AHNAK: variants seen among roughly 807,000 people sequenced by gnomAD.
AHNAK encodes the protein AHNAK nucleoprotein.
AHNAK carries 23 observed loss-of-function variants against 37.8 expected under a neutral mutation model. That is an observed-to-expected ratio of 0.61 (90% CI 0.44 to 0.86). The LOEUF is 0.86. AHNAK is among the 40% of genes least tolerant of loss of function. The pLI, the probability that AHNAK is intolerant of heterozygous loss-of-function variation, is 0.00. For synonymous variants in AHNAK, 2,481 were observed against 2,636.3 expected (o/e 0.94, Z 1.80); for missense variants, 7,411 against 7,319.4 (o/e 1.01, Z -0.46).
At chr11:62,453,176 A>T (rs1258586620) in intron 5 of AHNAK, among the ~76,000 whole-genome samples, 1 of 151,858 alleles carries the variant, frequency 6.6e-6, no homozygotes, top group Non-Finnish European at 1.5e-5. Flanking sequence ...GGACACCATC[A>T]CCTCCATGGC....
At chr11:62,460,612 A>C (rs1481892967) in intron 5 of AHNAK, among the ~76,000 whole-genome samples, 1 of 152,202 alleles carries the variant, frequency 6.6e-6, no homozygotes, top group African/African-American at 2.4e-5. Flanking sequence ...ATGATTAAAG[A>C]GGGAAAAATA....
At chr11:62,479,136 C>T (rs541004354) in intron 5 of AHNAK, among the ~76,000 whole-genome samples, 5 of 147,112 alleles carry the variant, frequency 3.4e-5, no homozygotes, top group Non-Finnish European at 4.5e-5. Context: ...TTTCTAAGAG[C>T]TTTGCTTTCT....
chr11:62,449,254 C>T (rs533284683), intron 5 of AHNAK, among the ~76,000 whole-genome samples: 11 of 152,326 alleles, frequency 7.2e-5, no homozygotes, highest in East Asian at 3.9e-4. Flanking sequence ...TCTCTCCTTC[C>T]GTTCCCTGGC....
rs1468543181 is a variant in AHNAK, at chr11:62,530,383, A to G, written c.4034T>C (p.Leu1345Ser). 2.5e-6 allele frequency: 4 copies of G among 1,614,126 alleles called. No individual in the cohort carries two copies. In the South Asian group the frequency reaches 4.4e-5, roughly 18 times the overall value. Residue 1345 changes from leucine to serine, a missense_variant, in exon 5 of 5, where the codon TTG becomes TCG. By Grantham distance (145) the Leu-to-Ser change is moderately radical. Transcript: ENST00000378024. ...TTTCATTTCACCTTCTACCTCAGGCAAGGACACATCCACATCTCCCTTCAA... is the reference window on the plus strand; with the variant it reads ...TTTCATTTCACCTTCTACCTCAGGCGAGGACACATCCACATCTCCCTTCAA... Reference protein sequence around the residue: ...PKLKGDVDVSLPEVEGEMKVP... With the variant: ...PKLKGDVDVSSPEVEGEMKVP...
downstream of AHNAK, among the ~76,000 whole-genome samples, chr11:62,511,672 T>C (rs1375241665): frequency 5.9e-5 from 9 of 152,252 alleles, no homozygotes; most frequent in East Asian, 1.7e-3. Context: ...CATTACTTTA[T>C]GATCATACCT....
At chr11:62,464,883 G>A (rs1206691481) in intron 5 of AHNAK, among the ~76,000 whole-genome samples, 1 of 152,076 alleles carries the variant, frequency 6.6e-6, no homozygotes, top group East Asian at 1.9e-4. Context: ...TCAGGTTGCT[G>A]TAAAAGTTGC....
At chr11:62,449,888 A>G (rs1938496012) in intron 5 of AHNAK, among the ~76,000 whole-genome samples, 1 of 152,148 alleles carries the variant, frequency 6.6e-6, no homozygotes, top group South Asian at 2.1e-4. Flanking sequence ...TGAAAGGTAT[A>G]ATTGCTGTGA....
At chr11:62,537,823 C>G (rs1941000611) in intron 1 of AHNAK, among the ~76,000 whole-genome samples, 1 of 152,044 alleles carries the variant, frequency 6.6e-6, no homozygotes, top group Non-Finnish European at 1.5e-5. Context: ...GCTGGGATTA[C>G]AGGCGCCCGC....
rs1940160395 is a variant in AHNAK at position 62,519,724 on chromosome 11, T to C, written c.14693A>G (p.Lys4898Arg). 3.7e-6 allele frequency: 6 copies of C among 1,613,876 alleles called. No individual in the cohort carries two copies. The highest frequency in any genetic ancestry group is 2.2e-5 in the East Asian group (1 of 44,898). The change falls in exon 5 of 5, where the codon AAA (lysine) becomes AGA (arginine). Residue 4898 changes from lysine to arginine, a missense_variant. Lys to Arg is a conservative substitution (Grantham distance 26). Coordinates refer to ENST00000378024, the MANE Select transcript of AHNAK (RefSeq NM_001620.3). The part of the protein sequence containing the change: ...PRLDFEGPDA[K>R]LSGPSLKMPS... The stretch of plus-strand genomic sequence containing the variant: ...CATCTTCAAAGATGGGCCACTGAGT[T>C]TGGCATCAGGGCCTTCGAAATCCAG...
chr11:62,444,851 T>C (rs1938392317), intron 5 of AHNAK, among the ~76,000 whole-genome samples: 1 of 152,140 alleles, frequency 6.6e-6, no homozygotes, highest in African/African-American at 2.4e-5. Context: ...GGAGAAACAA[T>C]CTTTAATCTC....
At position 62,528,769 on chromosome 11, in the gene AHNAK, T is replaced by C. The variant is rs1940609180; in HGVS notation, c.5648A>G (p.Asp1883Gly). 6.2e-7 allele frequency: 1 copy of C among 1,610,370 alleles called. No individual in the cohort carries two copies. The highest frequency in any genetic ancestry group is 8.5e-7 in the Non-Finnish European group (1 of 1,179,184). The change falls in exon 5 of 5, where the codon GAT becomes GGT. Residue 1883 changes from aspartate to glycine, a missense_variant. Transcript: ENST00000378024. ...ADVSVPKLEG[D>G]LTGPSVGVEV... is the part of the protein sequence containing the mutation. ...CACACCCACACTGGGGCCTGTTAAATCTCCCTCCAATTTTGGCACCGACAC... is the reference window on the plus strand; with the variant it reads ...CACACCCACACTGGGGCCTGTTAAACCTCCCTCCAATTTTGGCACCGACAC...
At position 62,523,792 on chromosome 11, in the gene AHNAK, T is replaced by C. The variant is rs1181462224; in HGVS notation, c.10625A>G (p.Lys3542Arg). The C allele has an allele frequency of 1.9e-6, 3 of 1,614,214 alleles. No homozygotes were observed. Among genetic ancestry groups the C allele is most frequent in the Middle Eastern group, 1.7e-4 (1 of 6,060 alleles). The change falls in exon 5 of 5, where the codon AAG becomes AGG. Residue 3542 changes from lysine (K) to arginine (R), a missense_variant. Lys to Arg is a conservative substitution (Grantham distance 26). Transcript: ENST00000378024. ...TAAGTCAATGTCAGGCATGGAGATC[T>C]TGGGAGCTTTGATATTCATGTCAGG... ...KMPDMNIKAP[K>R]ISMPDIDLNL...
intron 3 of AHNAK, among the ~76,000 whole-genome samples, chr11:62,535,605 G>A (rs752968257): frequency 3.5e-4 from 53 of 151,102 alleles, no homozygotes; most frequent in Non-Finnish European, 5.5e-4. Context: ...CTGAGATAGC[G>A]CCATTGCACT....
chr11:62,441,755 G>C (rs1391678854), intron 5 of AHNAK, among the ~76,000 whole-genome samples: 1 of 151,972 alleles, frequency 6.6e-6, no homozygotes, highest in Non-Finnish European at 1.5e-5. Context: ...ACCCACCTCG[G>C]CCTCCCAAAA....
At position 62,535,111 on chromosome 11, in the gene AHNAK, C is replaced by T. The variant is rs1168449450; in HGVS notation, c.234G>A (p.Gly78=). 13 of 1,613,812 alleles carry T rather than the reference C, an allele frequency of 8.1e-6. No homozygotes were observed. Among genetic ancestry groups the T allele is most frequent in the Non-Finnish European group, 9.3e-6 (11 of 1,179,904 alleles). Residue 78 remains glycine, a synonymous_variant, in exon 4 of 5, where the codon GGG becomes GGA. Transcript: ENST00000378024. ...GEVTQLLNTM[G]HHTVGLKLHR... is the part of the protein sequence containing the mutation. ...GCAGCTTCAGGCCCACCGTGTGGTGCCCCATGGTGTTCAGCAGCTGGGTCA... is the reference window on the plus strand; with the variant it reads ...GCAGCTTCAGGCCCACCGTGTGGTGTCCCATGGTGTTCAGCAGCTGGGTCA...
At chr11:62,481,467 G>A (rs533151049) in intron 5 of AHNAK, among the ~76,000 whole-genome samples, 7 of 151,996 alleles carry the variant, frequency 4.6e-5, no homozygotes, top group Non-Finnish European at 7.4e-5. Flanking sequence ...TCAGGGTCTC[G>A]TCCCTGCCTC....
Position 62,531,821 on chromosome 11 carries a change from C to T in AHNAK, c.2596G>A (p.Val866Met), listed in dbSNP as rs374650181. 54 of 1,613,556 alleles carry T rather than the reference C, an allele frequency of 3.3e-5. No homozygotes were observed. Among genetic ancestry groups the T allele is most frequent in the South Asian group, 4.4e-5 (4 of 91,062 alleles). The change falls in exon 5 of 5, where the codon GTG becomes ATG. Residue 866 changes from valine (V) to methionine (M), a missense_variant. Coordinates refer to ENST00000378024, the MANE Select transcript of AHNAK (RefSeq NM_001620.3). The stretch of plus-strand genomic sequence containing the variant: ...TGCCAGTCTGGGCCTTGAACCTCCA[C>T]ATCTGGGACATCAATGTCCATTTTG... ...SAKMDIDVPD[V>M]EVQGPDWHLK...
chr11:62,525,278 G>A lies in AHNAK; in HGVS notation c.9139C>T (p.Pro3047Ser), dbSNP rs1372681571. ...CCTGAGACATCAAGGTCAGCCTTGG[G>A]CAGGTTCACATCCACATCTGGGCCC... ...GEGPDVDVNL[P>S]KADLDVSGPK... Residue 3047 changes from proline to serine, a missense_variant, in exon 5 of 5, where the codon CCC becomes TCC. Physicochemically the swap from Pro to Ser is moderately conservative, Grantham distance 74. Coordinates refer to ENST00000378024, the MANE Select transcript of AHNAK (RefSeq NM_001620.3). The A allele has an allele frequency of 1.2e-6, 2 of 1,612,908 alleles. No individual in the cohort carries two copies. Among genetic ancestry groups the A allele is most frequent in the Non-Finnish European group, 1.7e-6 (2 of 1,179,804 alleles).
Position 62,517,097 on chromosome 11 carries a change from T to C in AHNAK, c.17320A>G (p.Lys5774Glu). The part of the protein sequence containing the change: ...PKGKFSLFKS[K>E]KPRHRSNSFS... ...GAATTTGAGCGGTGCCGTGGCTTCT[T>C]ACTTTTAAATAAGGAGAATTTGCCT... Residue 5774 changes from lysine to glutamate, a missense_variant, in exon 5 of 5, where the codon AAG (lysine) becomes GAG (glutamate). Coordinates refer to ENST00000378024, the MANE Select transcript of AHNAK (RefSeq NM_001620.3). The C allele has an allele frequency of 3.1e-6, 5 of 1,613,702 alleles. No homozygotes were observed. The highest frequency in any genetic ancestry group is 3.4e-6 in the Non-Finnish European group (4 of 1,179,936).
Sources: allele counts gnomAD v4.1 joint callset (sites outside exome capture counted in the v4.1 genomes callset), GRCh38; gene constraint gnomAD v4.1.1; transcripts MANE v1.5; gene names NCBI Gene and HGNC (gene_info 2026-07-23, HGNC 2026-07-21).